Variants in LAMA2 observed in about 807,000 individuals in gnomAD.
The protein encoded by LAMA2 is laminin subunit alpha 2, also known as laminin subunit alpha-2.
A neutral mutation model predicts 364.8 loss-of-function variants in LAMA2; 269 were observed. The observed-to-expected ratio is 0.74, with a 90% CI of 0.67 to 0.82. LAMA2 has a LOEUF of 0.82. Among genes scored for constraint, LAMA2 ranks in the 40% least tolerant of loss-of-function variants. The pLI, the probability that LAMA2 is intolerant of heterozygous loss-of-function variation, is 0.00. For missense variants in LAMA2, 3,807 were observed against 3,873.2 expected, an observed-to-expected ratio of 0.98 and a Z score of 0.45; for synonymous variants, 1,379 against 1,370.6, an observed-to-expected ratio of 1.01 and a Z score of -0.14.
chr6:128,895,468 T>TAA (rs34458994), intron 1 of LAMA2, among the ~76,000 whole-genome samples: 72 of 65,774 alleles, frequency 1.1e-3, no homozygotes, highest in Admixed American at 2.6e-3. Context: ...CTGTCTCTAC[T>TAA]AAAAAAAAAA....
At chr6:129,241,421 C>T (rs1206413504) in intron 12 of LAMA2, among the ~76,000 whole-genome samples, 1 of 152,144 alleles carries the variant, frequency 6.6e-6, no homozygotes, top group Non-Finnish European at 1.5e-5. Context: ...GAAAACTATA[C>T]TTATTAAAAC....
chr6:128,925,326 G>A (rs182724237), intron 1 of LAMA2, among the ~76,000 whole-genome samples: 6 of 152,136 alleles, frequency 3.9e-5, no homozygotes, highest in African/African-American at 1.4e-4. Flanking sequence ...ACATTATTCC[G>A]TCTGTAAAAG....
chr6:129,327,430 G>A (rs1775365512), intron 28 of LAMA2, among the ~76,000 whole-genome samples: 1 of 152,092 alleles, frequency 6.6e-6, no homozygotes, highest in Non-Finnish European at 1.5e-5. Flanking sequence ...ACTTAACCAA[G>A]GTGGTAAAAT....
At position 129,092,401 on chromosome 6, in the gene LAMA2, G is replaced by A. The variant is rs151147979; in HGVS notation, c.397-5772G>A. On this transcript the variant is annotated intron_variant, in intron 3 of 64. Coordinates refer to ENST00000421865, the MANE Select transcript of LAMA2 (RefSeq NM_000426.4). The stretch of plus-strand genomic sequence containing the variant: ...AACATGATGTCTATGATCCTTTCTG[G>A]TTCTGATATTGTATAACTCTCATCA... Among the ~76,000 whole-genome samples, 1,138 of 152,156 alleles carry A rather than the reference G, an allele frequency of 7.5e-3. 18 individuals are homozygous for A. The highest frequency in any genetic ancestry group is 0.026 in the African/African-American group (1,073 of 41,506).
intron 64 of LAMA2, among the ~76,000 whole-genome samples, chr6:129,514,888 C>T (rs1164335028): frequency 6.6e-6 from 1 of 152,106 alleles, no homozygotes; most frequent in Non-Finnish European, 1.5e-5. Context: ...AGGCATTTAA[C>T]AGCAATTGGA....
intron 1 of LAMA2, among the ~76,000 whole-genome samples, chr6:128,945,259 T>TA (rs1343789499): frequency 6.6e-6 from 1 of 152,202 alleles, no homozygotes; most frequent in Non-Finnish European, 1.5e-5. Context: ...GACCATCTGT[T>TA]AAAAATTTTT....
At chr6:129,426,909 A>T (rs2114739132) in intron 40 of LAMA2, among the ~76,000 whole-genome samples, 1 of 152,322 alleles carries the variant, frequency 6.6e-6, no homozygotes, top group African/African-American at 2.4e-5. Context: ...CTTCAACAGT[A>T]AGTATTTAGC....
At chr6:129,332,359 C>CT (rs1775705983) in intron 29 of LAMA2, among the ~76,000 whole-genome samples, 1 of 151,934 alleles carries the variant, frequency 6.6e-6, no homozygotes, top group African/African-American at 2.4e-5. Flanking sequence ...TTTTACTTAC[C>CT]TTTTAGCTCT....
intron 5 of LAMA2, among the ~76,000 whole-genome samples, chr6:129,144,461 G>A (rs1174724333): frequency 5.9e-5 from 9 of 151,948 alleles, no homozygotes; most frequent in Admixed American, 5.3e-4. Flanking sequence ...TACTGGAAGT[G>A]CAGGGGCTTT....
At chr6:129,040,610 C>A (rs956084860) in intron 1 of LAMA2, among the ~76,000 whole-genome samples, 1 of 152,066 alleles carries the variant, frequency 6.6e-6, no homozygotes, top group African/African-American at 2.4e-5. Context: ...GCCTGGGCAA[C>A]AAGAGTGAGA....
intron 1 of LAMA2, among the ~76,000 whole-genome samples, chr6:128,896,229 C>T (rs1331585934): frequency 1.3e-5 from 2 of 151,606 alleles, no homozygotes. Context: ...TATGTCCTCT[C>T]CTTATCTAGT....
At chr6:129,294,006 C>T (rs1789903418) in intron 20 of LAMA2, among the ~76,000 whole-genome samples, 4 of 152,262 alleles carry the variant, frequency 2.6e-5, no homozygotes, top group South Asian at 4.1e-4. Flanking sequence ...TGTCTGCTTA[C>T]GTACTCCAAG....
rs971667080 is a variant in LAMA2 at position 129,158,952 on chromosome 6, G to A, written c.1206+4269G>A. The stretch of plus-strand genomic sequence containing the variant: ...CCTCAGCAATAGCACTTGAAAAAAG[G>A]CAAGGTATCCTCTGGTGCTAAGGTT... On this transcript the variant is annotated intron_variant, in intron 8 of 64. Transcript: ENST00000421865. 7.5e-6 allele frequency: 12 copies of A among 1,591,864 alleles called. No homozygotes were observed. In the Admixed American group the frequency reaches 1.5e-4, roughly 20 times the overall value.
At position 129,270,238 on chromosome 6, in the gene LAMA2, TAA is replaced by T. The variant is rs374824600; in HGVS notation, c.2323-384_2323-383del. Among the ~76,000 whole-genome samples, 395 of 150,270 alleles carry T rather than the reference TAA, an allele frequency of 2.6e-3. 3 individuals are homozygous for T. Among genetic ancestry groups the T allele is most frequent in the African/African-American group, 9.4e-3 (382 of 40,672 alleles). On this transcript the variant is annotated intron_variant, in intron 16 of 64. Coordinates refer to ENST00000421865, the MANE Select transcript of LAMA2 (RefSeq NM_000426.4). ...ACCTAGAATCAGCTACAATTTCCAT[TAA>T]ACATATGTTATTAGTGCTCTATGAC...
chr6:129,370,874 G>C (rs1332767366), intron 34 of LAMA2, among the ~76,000 whole-genome samples: 2 of 152,094 alleles, frequency 1.3e-5, no homozygotes, highest in African/African-American at 4.8e-5. Context: ...GCCTGCTGTC[G>C]GTTTAGGAAA....
At chr6:129,118,762 G>C (rs904624399) in intron 4 of LAMA2, among the ~76,000 whole-genome samples, 10 of 152,144 alleles carry the variant, frequency 6.6e-5, no homozygotes, top group Admixed American at 5.2e-4. Context: ...AGACTGATGA[G>C]AAACCTCTGA....
chr6:128,993,101 T>G (rs1562902721), intron 1 of LAMA2, among the ~76,000 whole-genome samples: 1 of 152,168 alleles, frequency 6.6e-6, no homozygotes. Flanking sequence ...GAGGATGAAA[T>G]CACTTAACCC....
At chr6:129,267,056 C>T (rs1302484281) in intron 15 of LAMA2, 50 bp from the exon 16 acceptor site, 1 of 1,156,108 alleles carries the variant, frequency 8.6e-7, no homozygotes, top group East Asian at 2.3e-5. Flanking sequence ...AACAAAAACA[C>T]CTTTTTGTTT....
At chr6:129,052,300 T>TA (rs1457191992) in intron 2 of LAMA2, among the ~76,000 whole-genome samples, 1 of 141,086 alleles carries the variant, frequency 7.1e-6, no homozygotes, top group Admixed American at 7.1e-5. Flanking sequence ...CACGCCCGGC[T>TA]AATTCTTTTT....
Sources: gnomAD v4.1 joint callset for allele counts (sites outside exome capture counted in the v4.1 genomes callset) on GRCh38, gnomAD v4.1.1 for gene constraint, MANE v1.5 for transcripts, NCBI Gene and HGNC (gene_info 2026-07-23, HGNC 2026-07-21) for gene names.